Variants in LIPH observed in about 807,000 individuals in gnomAD.
LIPH encodes lipase H.
Under a neutral mutation model 47.6 loss-of-function variants are expected in LIPH, and 32 were observed. The observed-to-expected ratio is 0.67, with a 90% confidence interval of 0.51 to 0.90. The LOEUF (loss-of-function observed/expected upper bound fraction) is 0.90. Ranked by LOEUF, LIPH falls within the 40% of genes least tolerant of loss-of-function variation. The pLI is 0.00. For synonymous variants in LIPH, 190 were observed against 195.6 expected (o/e 0.97, Z 0.24); for missense variants, 497 against 541.4 (o/e 0.92, Z 0.81).
chr3:185,514,471 CT>C lies in LIPH; in HGVS notation c.1032del (p.Asp346ThrfsTer6). ...TCTCTCAATTTGATGGTAATGTCCC[CT>C]CTTCTTACATTCTTGTTCCATGTTA... ...DIITWNKNVR[R>X]GDITIKLRDK... On this transcript the variant is annotated frameshift_variant, in exon 8 of 10. Transcript: ENST00000296252. The C allele has an allele frequency of 6.3e-7, 1 of 1,582,818 alleles. No homozygotes were observed. Among genetic ancestry groups the C allele is most frequent in the Non-Finnish European group, 8.7e-7 (1 of 1,151,422 alleles).
chr3:185,542,447 G>C lies in LIPH; in HGVS notation c.50-7315C>G, dbSNP rs113088479. Among the ~76,000 whole-genome samples, 1,469 of 152,118 alleles carry C rather than the reference G, an allele frequency of 9.7e-3. 27 individuals are homozygous for C. The highest frequency in any genetic ancestry group is 0.034 in the African/African-American group (1,393 of 41,462). ...TCTCCTTGCTTCAGCCTCCCGAGTA[G>C]TTGGGATTACAGGCGGCTGCCACCA... On this transcript the variant is annotated intron_variant, in intron 1 of 9. Coordinates refer to ENST00000296252, the MANE Select transcript of LIPH (RefSeq NM_139248.3).
rs1406853981 is a variant in LIPH at position 185,507,869 on chromosome 3, A to C, written c.*921T>G. The C allele has an allele frequency of 6.6e-6, 1 of 152,242 alleles. No individual in the cohort carries two copies. Among genetic ancestry groups the C allele is most frequent in the Non-Finnish European group, 1.5e-5 (1 of 68,046 alleles). The allele number at this position is 152,242 out of a possible 1,614,324, so 9.4% of individuals were successfully genotyped here. On this transcript the variant is annotated 3_prime_UTR_variant, in exon 10 of 10. Transcript: ENST00000296252. ...GATTACATTGGTAATAAAGAAACAT[A>C]AACATTTCTTAAGGGTTGCTTAAAA...
chr3:185,542,504 A>T, intron 1 of LIPH, among the ~76,000 whole-genome samples: 1 of 151,792 alleles, frequency 6.6e-6, no homozygotes, highest in African/African-American at 2.4e-5. Flanking sequence ...TTTAGTAAAG[A>T]CAGGGTTTCA....
chr3:185,547,054 T>C, intron 1 of LIPH: 5 of 362,090 alleles, frequency 1.4e-5, no homozygotes, highest in South Asian at 1.0e-4. Flanking sequence ...AAGGTGGGAA[T>C]TGTTTGAACC....
intron 1 of LIPH, among the ~76,000 whole-genome samples, chr3:185,536,977 G>C (rs1377545749): frequency 6.6e-6 from 1 of 152,052 alleles, no homozygotes; most frequent in Non-Finnish European, 1.5e-5. Flanking sequence ...CTTCATCTCC[G>C]GGATTCAAGC....
At chr3:185,520,518 A>G (rs1014012175) in intron 5 of LIPH, among the ~76,000 whole-genome samples, 1 of 151,940 alleles carries the variant, frequency 6.6e-6, no homozygotes, top group East Asian at 1.9e-4. Context: ...CTCCATCCCA[A>G]AAAAAAAGAA....
At chr3:185,527,624 T>C in intron 3 of LIPH, 39 bp from the exon 4 acceptor site, 1 of 1,287,454 alleles carries the variant, frequency 7.8e-7, no homozygotes, top group South Asian at 1.2e-5. Context: ...CCCCACACCA[T>C]GAGTCACCTG....
chr3:185,512,467 G>C (rs941737748), intron 8 of LIPH, among the ~76,000 whole-genome samples: 1 of 150,834 alleles, frequency 6.6e-6, no homozygotes, highest in Admixed American at 6.6e-5. Flanking sequence ...GGAACAGAAG[G>C]CTTGCTCTAG....
chr3:185,551,107 G>T (rs1409980450), intron 1 of LIPH, among the ~76,000 whole-genome samples: 1 of 152,134 alleles, frequency 6.6e-6, no homozygotes, highest in Non-Finnish European at 1.5e-5. Flanking sequence ...CAGGGAGGGG[G>T]AGGTTGTAGT....
intron 6 of LIPH, among the ~76,000 whole-genome samples, chr3:185,518,773 G>C (rs931752991): frequency 6.6e-6 from 1 of 151,922 alleles, no homozygotes; most frequent in Non-Finnish European, 1.5e-5. Context: ...CCAGGCTGGA[G>C]TGCAGTGGCA....
intron 4 of LIPH, among the ~76,000 whole-genome samples, chr3:185,525,018 C>G (rs1720024916): frequency 6.6e-6 from 1 of 151,902 alleles, no homozygotes; most frequent in Non-Finnish European, 1.5e-5. Flanking sequence ...GAATCGAGGC[C>G]AGCCTGGGCA....
chr3:185,524,305 C>T, intron 4 of LIPH, 145 bp from the exon 5 acceptor site: 1 of 652,852 alleles, frequency 1.5e-6, no homozygotes, highest in Non-Finnish European at 2.8e-6. Flanking sequence ...TGCCCAAAGT[C>T]ACCCAGCTAG....
intron 1 of LIPH, among the ~76,000 whole-genome samples, chr3:185,544,358 T>C (rs1299264501): frequency 6.6e-6 from 1 of 151,982 alleles, no homozygotes; most frequent in African/African-American, 2.4e-5. Flanking sequence ...TGTTTTGTTT[T>C]GTTTTGTTTT....
Position 185,534,955 on chromosome 3 carries a change from T to C in LIPH, c.227A>G (p.His76Arg). The part of the protein sequence containing the change: ...NVTKKTTFIV[H>R]GFRPTGSPPV... Reference sequence around the variant, plus strand: ...AGGGGAGCCTGTTGGCCTGAATCCATGGACAATGAAGGTGGTTTTCTTGGT... The same window carrying C: ...AGGGGAGCCTGTTGGCCTGAATCCACGGACAATGAAGGTGGTTTTCTTGGT... Residue 76 changes from histidine to arginine, a missense_variant, in exon 2 of 10, where the codon CAT (histidine) becomes CGT (arginine). Transcript: ENST00000296252. 1.2e-6 allele frequency: 2 copies of C among 1,613,990 alleles called. No individual in the cohort carries two copies. The highest frequency in any genetic ancestry group is 1.7e-6 in the Non-Finnish European group (2 of 1,179,884).
At chr3:185,538,790 CAT>C (rs1288780042) in intron 1 of LIPH, among the ~76,000 whole-genome samples, 1 of 3,052 alleles carries the variant, frequency 3.3e-4, no homozygotes, top group African/African-American at 4.6e-4. Context: ...CACATATATA[CAT>C]ATATACACAC....
At chr3:185,538,227 C>T (rs1256593031) in intron 1 of LIPH, among the ~76,000 whole-genome samples, 4 of 152,126 alleles carry the variant, frequency 2.6e-5, no homozygotes, top group Admixed American at 6.6e-5. Flanking sequence ...ATTATAAAAG[C>T]TTTACATATA....
intron 1 of LIPH, among the ~76,000 whole-genome samples, chr3:185,549,097 G>C (rs77019580): frequency 0.047 from 7,168 of 150,910 alleles, 278 homozygotes; most frequent in East Asian, 0.24. Context: ...CACCACTGCA[G>C]TCCAGCCTGG....
chr3:185,535,037 TCCTTGTGTAGAGCATCAG>T lies in LIPH; in HGVS notation c.127_144del (p.Leu43_Arg48del), dbSNP rs1560167725. The T allele has an allele frequency of 1.9e-6, 3 of 1,613,708 alleles. No homozygotes were observed. The highest frequency in any genetic ancestry group is 2.5e-6 in the Non-Finnish European group (3 of 1,179,790). ...ATGGTTTGTGCGCAGGTCAGGTTTT[TCCTTGTGTAGAGCATCAG>T]CCTCACATTTAGTCCCGTACCAACC... On this transcript the variant is annotated inframe_deletion, in exon 2 of 10. Transcript: ENST00000296252.
chr3:185,519,494 T>C (rs1045477389), intron 5 of LIPH, among the ~76,000 whole-genome samples, 185 bp from the exon 6 acceptor site: 6 of 152,072 alleles, frequency 3.9e-5, no homozygotes, highest in African/African-American at 1.4e-4. Context: ...GGAGAAAAGA[T>C]GAAATCAAAT....
Sources: allele counts gnomAD v4.1 joint callset (sites outside exome capture counted in the v4.1 genomes callset), GRCh38; gene constraint gnomAD v4.1.1; transcripts MANE v1.5; gene names NCBI Gene and HGNC (gene_info 2026-07-23, HGNC 2026-07-21).